Variants in KHDRBS3 observed in about 807,000 individuals in gnomAD.
KHDRBS3 encodes the protein KH domain-containing, RNA-binding, signal transduction-associated protein 3.
In KHDRBS3, 23 loss-of-function variants were observed where a neutral mutation model predicts 45.6. The ratio of observed to expected loss-of-function variants is 0.50; its 90% CI spans 0.36 to 0.72. The LOEUF is 0.72. Ranked by LOEUF, KHDRBS3 falls within the 30% of genes least tolerant of loss-of-function variation. The pLI, the probability that KHDRBS3 is intolerant of heterozygous loss-of-function variation, is 0.00. For synonymous variants in KHDRBS3, 162 were observed against 156.5 expected (o/e 1.04, Z -0.26); for missense variants, 352 against 424.8 (o/e 0.83, Z 1.51).
At chr8:135,635,167 AT>A (rs1441834959) in intron 7 of KHDRBS3, among the ~76,000 whole-genome samples, 1 of 152,172 alleles carries the variant, frequency 6.6e-6, no homozygotes, top group Non-Finnish European at 1.5e-5. Flanking sequence ...CTTGTAATCT[AT>A]TTTTATGAAA....
intron 7 of KHDRBS3, chr8:135,626,041 A>C (rs998874617): frequency 2.2e-5 from 13 of 591,458 alleles, no homozygotes; most frequent in African/African-American, 3.7e-5. Context: ...CCAGTTCCTT[A>C]CTTTTTAGGC....
intron 5 of KHDRBS3, among the ~76,000 whole-genome samples, chr8:135,570,042 C>T (rs545571975): frequency 1.1e-4 from 17 of 152,208 alleles, no homozygotes; most frequent in African/African-American, 3.4e-4. Flanking sequence ...GGCAGCCTTA[C>T]GGGGCAATTC....
chr8:135,547,030 T>C (rs1034669012), intron 3 of KHDRBS3, among the ~76,000 whole-genome samples: 2 of 152,298 alleles, frequency 1.3e-5, no homozygotes, highest in South Asian at 4.1e-4. Context: ...AGGATAAGTG[T>C]TTGTTTCAAT....
chr8:135,533,573 CTG>C (rs1223356781), intron 2 of KHDRBS3, among the ~76,000 whole-genome samples: 1 of 152,112 alleles, frequency 6.6e-6, no homozygotes, highest in Non-Finnish European at 1.5e-5. Context: ...TAACTTAAGA[CTG>C]TGGAATATTT....
intron 1 of KHDRBS3, among the ~76,000 whole-genome samples, chr8:135,468,716 A>G (rs902956408): frequency 6.6e-6 from 1 of 152,238 alleles, no homozygotes; most frequent in African/African-American, 2.4e-5. Flanking sequence ...CAAACTTGGT[A>G]AAATTCATTT....
At chr8:135,642,516 T>C (rs993012669) in intron 7 of KHDRBS3, among the ~76,000 whole-genome samples, 1 of 152,186 alleles carries the variant, frequency 6.6e-6, no homozygotes, top group African/African-American at 2.4e-5. Flanking sequence ...TTTTTAAAAC[T>C]CTGTGGCTAC....
intron 1 of KHDRBS3, among the ~76,000 whole-genome samples, chr8:135,500,254 T>C (rs1258643220): frequency 6.6e-6 from 1 of 151,626 alleles, no homozygotes; most frequent in Admixed American, 6.6e-5. Flanking sequence ...TTTGGTAGTT[T>C]GGTTCTTTTT....
intron 3 of KHDRBS3, among the ~76,000 whole-genome samples, chr8:135,545,207 CAT>C (rs774028919): frequency 6.6e-6 from 1 of 152,190 alleles, no homozygotes; most frequent in East Asian, 1.9e-4. Flanking sequence ...CTGGGTTTAA[CAT>C]AGCTCTCTTA....
intron 2 of KHDRBS3, among the ~76,000 whole-genome samples, chr8:135,529,218 G>A (rs1825344075): frequency 1.3e-5 from 2 of 152,172 alleles, no homozygotes; most frequent in African/African-American, 2.4e-5. Flanking sequence ...CTTGTAGTGG[G>A]AACTGGAAAG....
intron 1 of KHDRBS3, among the ~76,000 whole-genome samples, chr8:135,485,163 C>G (rs1183129682): frequency 1.3e-5 from 2 of 150,348 alleles, no homozygotes; most frequent in African/African-American, 4.9e-5. Context: ...ATGTCTGTCC[C>G]CACTACAATA....
At chr8:135,486,238 TA>T (rs1822857288) in intron 1 of KHDRBS3, among the ~76,000 whole-genome samples, 1 of 152,208 alleles carries the variant, frequency 6.6e-6, no homozygotes, top group South Asian at 2.1e-4. Context: ...TTTTTTTCTC[TA>T]GAATGGAAGC....
At chr8:135,486,852 C>T (rs1406735892) in intron 1 of KHDRBS3, among the ~76,000 whole-genome samples, 1 of 152,148 alleles carries the variant, frequency 6.6e-6, no homozygotes, top group Non-Finnish European at 1.5e-5. Flanking sequence ...ATGAAGCATA[C>T]TGCACACAAA....
chr8:135,638,612 G>A (rs545462990), intron 7 of KHDRBS3, among the ~76,000 whole-genome samples: 212 of 152,290 alleles, frequency 1.4e-3, no homozygotes, highest in African/African-American at 4.9e-3. Context: ...AAGACATAGC[G>A]TTCATAAAGT....
chr8:135,648,010 A>G (rs770377796), downstream of KHDRBS3: 5 of 152,170 alleles, frequency 3.3e-5, no homozygotes, highest in Non-Finnish European at 5.9e-5. Flanking sequence ...ACCTCGCTCC[A>G]TGCTGGAAGC....
chr8:135,546,665 A>G (rs1487827579), intron 3 of KHDRBS3, among the ~76,000 whole-genome samples: 1 of 152,200 alleles, frequency 6.6e-6, no homozygotes, highest in Non-Finnish European at 1.5e-5. Context: ...CTCCTTTATT[A>G]CTATAACAGC....
intron 5 of KHDRBS3, among the ~76,000 whole-genome samples, chr8:135,558,267 G>A (rs1434026732): frequency 6.6e-6 from 1 of 152,078 alleles, no homozygotes; most frequent in African/African-American, 2.4e-5. Flanking sequence ...GGTGATTAAT[G>A]TTAATGGGAA....
chr8:135,480,622 G>GAA (rs1451513457), intron 1 of KHDRBS3, among the ~76,000 whole-genome samples: 1 of 151,552 alleles, frequency 6.6e-6, no homozygotes, highest in South Asian at 2.1e-4. Flanking sequence ...GCTTATTATA[G>GAA]AAAAAAAGTG....
At chr8:135,625,128 A>G (rs1305627543) in intron 7 of KHDRBS3, 2 of 986,942 alleles carry the variant, frequency 2.0e-6, no homozygotes, top group Non-Finnish European at 3.1e-6. Context: ...AGTATTTTAC[A>G]GTTAAGCACA....
chr8:135,501,460 A>G (rs1473639227), intron 1 of KHDRBS3, among the ~76,000 whole-genome samples: 1 of 152,226 alleles, frequency 6.6e-6, no homozygotes, highest in Non-Finnish European at 1.5e-5. Flanking sequence ...AAATGTAGCT[A>G]TTTGTCTGAC....
Sources: allele counts gnomAD v4.1 joint callset (sites outside exome capture counted in the v4.1 genomes callset), GRCh38; gene constraint gnomAD v4.1.1; transcripts MANE v1.5; gene names NCBI Gene and HGNC (gene_info 2026-07-23, HGNC 2026-07-21).